DPP6: variants seen among roughly 807,000 people sequenced by gnomAD.
DPP6 encodes the protein A-type potassium channel modulatory protein DPP6.
Under a neutral mutation model 122.6 loss-of-function variants are expected in DPP6, and 69 were observed. That is an observed-to-expected ratio of 0.56 (90% CI 0.46 to 0.69). The LOEUF (loss-of-function observed/expected upper bound fraction) is 0.69, where lower values mean the gene tolerates loss of function less well. Ranked by LOEUF, DPP6 falls within the 30% of genes least tolerant of loss-of-function variation. The pLI is 0.00. For synonymous variants in DPP6, 418 were observed against 433.1 expected (o/e 0.97, Z 0.43); for missense variants, 928 against 1,116.9 (o/e 0.83, Z 2.41).
chr7:154,628,079 C>A (rs1352252268), intron 5 of DPP6, among the ~76,000 whole-genome samples: 1 of 152,164 alleles, frequency 6.6e-6, no homozygotes, highest in African/African-American at 2.4e-5. Flanking sequence ...TGCAGGGTTT[C>A]TGAGCGGGAA....
chr7:154,706,923 T>A (rs1840861717), intron 7 of DPP6, among the ~76,000 whole-genome samples: 1 of 152,188 alleles, frequency 6.6e-6, no homozygotes, highest in Non-Finnish European at 1.5e-5. Context: ...GGGCTTTTCA[T>A]CTTGATTTTG....
chr7:153,894,508 A>G (rs569697686), intron 1 of DPP6, among the ~76,000 whole-genome samples: 1 of 152,186 alleles, frequency 6.6e-6, no homozygotes, highest in Non-Finnish European at 1.5e-5. Flanking sequence ...GGGAAGTAGA[A>G]GTTTCAAAAA....
chr7:154,120,705 T>C (rs1807385809), intron 1 of DPP6, among the ~76,000 whole-genome samples: 1 of 152,178 alleles, frequency 6.6e-6, no homozygotes, highest in Non-Finnish European at 1.5e-5. Flanking sequence ...AACATGAAAA[T>C]ACAGTTGATT....
chr7:154,352,589 A>G (rs754566150), intron 1 of DPP6, among the ~76,000 whole-genome samples: 3 of 151,944 alleles, frequency 2.0e-5, no homozygotes, highest in Non-Finnish European at 4.4e-5. Flanking sequence ...AAAACCAAAG[A>G]CTACATGTTC....
At chr7:154,859,973 G>A (rs1803227958) in intron 17 of DPP6, among the ~76,000 whole-genome samples, 2 of 152,168 alleles carry the variant, frequency 1.3e-5, no homozygotes, top group Admixed American at 6.5e-5. Flanking sequence ...GCCTGCAAGC[G>A]CATGTGGGAG....
At chr7:154,376,077 G>T (rs1363313257) in intron 1 of DPP6, among the ~76,000 whole-genome samples, 1 of 151,974 alleles carries the variant, frequency 6.6e-6, no homozygotes, top group Non-Finnish European at 1.5e-5. Context: ...GTGTGCATTT[G>T]CACTTAGCCA....
the DPP6 span, among the ~76,000 whole-genome samples, chr7:153,814,997 G>A: frequency 1.3e-5 from 2 of 152,126 alleles, no homozygotes; most frequent in Non-Finnish European, 2.9e-5. Context: ...CCCACAGCCA[G>A]TATCATACTG....
At chr7:154,138,998 T>C (rs185952372) in intron 1 of DPP6, among the ~76,000 whole-genome samples, 1 of 152,150 alleles carries the variant, frequency 6.6e-6, no homozygotes, top group East Asian at 1.9e-4. Flanking sequence ...TTTATGCGGC[T>C]CTCTTCTCTA....
intron 8 of DPP6, 66 bp downstream of exon 8, chr7:154,727,953 GTTCTTTTTCATTTTTCTTTGAC>G: frequency 6.8e-7 from 1 of 1,479,566 alleles, no homozygotes; most frequent in Non-Finnish European, 9.0e-7. Flanking sequence ...TTGGAGTTGG[GTTCTTTTTCATTTTTCTTTGAC>G]TTTAACTGTA....
intron 7 of DPP6, among the ~76,000 whole-genome samples, chr7:154,685,945 A>T (rs1298812182): frequency 6.6e-6 from 1 of 152,204 alleles, no homozygotes; most frequent in Non-Finnish European, 1.5e-5. Context: ...CCTATAAACA[A>T]TAAACTTTTC....
chr7:154,761,418 G>C (rs941074931), intron 8 of DPP6, among the ~76,000 whole-genome samples: 1 of 152,252 alleles, frequency 6.6e-6, no homozygotes, highest in Non-Finnish European at 1.5e-5. Flanking sequence ...CAGAGTGAGT[G>C]ACCCAAGCAA....
In DPP6 at chr7:154,575,617, GT is replaced by G. The variant is rs1831603382; in HGVS notation, c.627+8702del. ...GTATGTGTGTGGTGTGTGTATGTGT[GT>G]GTGGTGTGTGTGTGGTGTGTGTGGT... On this transcript the variant is annotated intron_variant, in intron 5 of 25. Transcript: ENST00000377770. Among the ~76,000 whole-genome samples, 24 of 108,000 alleles carry G rather than the reference GT, an allele frequency of 2.2e-4. 1 individual carries two copies. Among genetic ancestry groups the G allele is most frequent in the African/African-American group, 8.7e-4 (23 of 26,314 alleles). The allele number at this position is 108,000 out of a possible 152,430, so 70.9% of individuals were successfully genotyped here.
intron 1 of DPP6, among the ~76,000 whole-genome samples, chr7:154,414,617 G>A (rs187256137): frequency 1.4e-4 from 21 of 152,228 alleles, no homozygotes; most frequent in Non-Finnish European, 2.1e-4. Context: ...TCAGAGCTGC[G>A]TTTTTATCTG....
At chr7:153,812,284 G>A in the DPP6 span, among the ~76,000 whole-genome samples, 4 of 151,842 alleles carry the variant, frequency 2.6e-5, no homozygotes, top group Non-Finnish European at 4.4e-5. Context: ...TTTGGGCCAG[G>A]GGAGGGACAG....
intron 1 of DPP6, among the ~76,000 whole-genome samples, chr7:154,054,865 G>T (rs1395785467): frequency 6.6e-6 from 1 of 150,826 alleles, no homozygotes; most frequent in Non-Finnish European, 1.5e-5. Context: ...GTCGCTAGGA[G>T]AAAGGAAAGG....
At chr7:154,364,063 C>T (rs1312556696) in intron 1 of DPP6, among the ~76,000 whole-genome samples, 1 of 152,072 alleles carries the variant, frequency 6.6e-6, no homozygotes, top group Admixed American at 6.6e-5. Context: ...GCTTCCGTGC[C>T]CTGGTCTTAC....
intron 1 of DPP6, among the ~76,000 whole-genome samples, chr7:154,378,795 C>T (rs186985670): frequency 6.4e-4 from 98 of 152,330 alleles, no homozygotes; most frequent in Admixed American, 3.3e-3. Flanking sequence ...AGGAAACTTA[C>T]AATCAAGGCA....
intron 1 of DPP6, among the ~76,000 whole-genome samples, chr7:153,929,622 C>CGT (rs1801081244): frequency 1.3e-5 from 2 of 151,936 alleles, no homozygotes; most frequent in Admixed American, 1.3e-4. Flanking sequence ...CTATTGATAG[C>CGT]ATATTTGCAA....
At chr7:154,014,924 A>C (rs1408729630) in intron 1 of DPP6, among the ~76,000 whole-genome samples, 3 of 152,138 alleles carry the variant, frequency 2.0e-5, no homozygotes, top group East Asian at 2.0e-4. Flanking sequence ...ATAATGATGG[A>C]TACTTATTAA....
Sources: allele counts gnomAD v4.1 joint callset (sites outside exome capture counted in the v4.1 genomes callset), GRCh38; gene constraint gnomAD v4.1.1; transcripts MANE v1.5; gene names NCBI Gene and HGNC (gene_info 2026-07-23, HGNC 2026-07-21).